The following AKAP8 variants were observed in gnomAD, a reference collection of about 807,000 sequenced individuals.
AKAP8 encodes A-kinase anchoring protein 8, also known as A-kinase anchor protein 8.
A neutral mutation model predicts 67.5 loss-of-function variants in AKAP8; 24 were observed. That is an observed-to-expected ratio of 0.36 (90% CI 0.26 to 0.50). The LOEUF (loss-of-function observed/expected upper bound fraction) is 0.50. Ranked by LOEUF, AKAP8 falls within the 20% of genes least tolerant of loss-of-function variation. The probability of loss-of-function intolerance (pLI) is 0.97; values close to 1 mark genes in which losing one functional copy is unlikely to be tolerated. For missense variants in AKAP8, 971 were observed against 955.9 expected (o/e 1.02, Z -0.21); for synonymous variants, 400 against 371.1 (o/e 1.08, Z -0.90).
chr19:15,372,523 AG>A (rs1967176873), intron 5 of AKAP8, among the ~76,000 whole-genome samples, 176 bp from the exon 6 acceptor site: 2 of 152,186 alleles, frequency 1.3e-5, no homozygotes, highest in South Asian at 2.1e-4. Context: ...AAAAGAAGCC[AG>A]GAACAAAAGG....
chr19:15,373,629 A>G (rs1967200928), intron 4 of AKAP8, 157 bp downstream of exon 4: 4 of 1,023,920 alleles, frequency 3.9e-6, no homozygotes, highest in Non-Finnish European at 5.5e-6. Context: ...AGGAAGTCCT[A>G]CTGTAACATC....
In AKAP8 at chr19:15,373,386, C is replaced by T. The variant is rs987750071; in HGVS notation, c.372-46G>A. 3.2e-6 allele frequency: 5 copies of T among 1,552,312 alleles called. No individual in the cohort carries two copies. In the African/African-American group the frequency reaches 6.8e-5, roughly 21 times the overall value. On this transcript the variant is annotated intron_variant, in intron 4 of 13. Coordinates refer to ENST00000269701, the MANE Select transcript of AKAP8 (RefSeq NM_005858.4). ...ATCAGGGGCGGTCACCCCGATCACC[C>T]ACTGCCACACTCCCTCAGTATAACC...
In AKAP8 at chr19:15,355,266, G is replaced by A. The variant is rs148913978; in HGVS notation, c.1728C>T (p.Asp576=). Residue 576 remains aspartate, a synonymous_variant, in exon 14 of 14, where the codon GAC becomes GAT. Coordinates refer to ENST00000269701, the MANE Select transcript of AKAP8 (RefSeq NM_005858.4). ...CTGCTGTAATCACCTCTGCTAAGAC[G>A]TCCGCGGCCACCTCCTCAGGTGTCT... ...KKETPEEVAA[D]VLAEVITAAV... The A allele has an allele frequency of 3.0e-5, 49 of 1,612,674 alleles. No individual in the cohort carries two copies. The highest frequency in any genetic ancestry group is 2.9e-4 in the East Asian group (13 of 44,894).
chr19:15,375,873 C>G (rs771759567), intron 2 of AKAP8, among the ~76,000 whole-genome samples: 2 of 151,738 alleles, frequency 1.3e-5, no homozygotes, highest in African/African-American at 4.8e-5. Context: ...CTCCTGACCT[C>G]GTGATCTGCC....
intron 2 of AKAP8, among the ~76,000 whole-genome samples, chr19:15,376,256 C>G (rs1967251027): frequency 6.6e-6 from 1 of 152,140 alleles, no homozygotes; most frequent in Non-Finnish European, 1.5e-5. Context: ...GGCGTGGTGG[C>G]TCACGCCTGT....
chr19:15,369,181 G>A lies in AKAP8; in HGVS notation c.1073-859C>T, dbSNP rs1967114978. ...GCAAGAGGTCACTGCCTGAAACTAT[G>A]ACTGCTGTTTAATAGCAAAGTCATC... On this transcript the variant is annotated intron_variant, in intron 8 of 13. Transcript: ENST00000269701. This position sits in a 1 kb window ranked among gnomAD's most constrained non-coding sequence, Gnocchi z 4.6. 12 of 985,404 alleles carry A rather than the reference G, an allele frequency of 1.2e-5. No homozygotes were observed. Among genetic ancestry groups the A allele is most frequent in the East Asian group, 1.1e-4 (1 of 8,828 alleles). The allele number at this position is 985,404 out of a possible 1,614,324, so 61.0% of individuals were successfully genotyped here.
chr19:15,357,205 C>T lies in AKAP8; in HGVS notation c.1623+1762G>A, dbSNP rs572125755. Among the ~76,000 whole-genome samples the T allele has an allele frequency of 6.6e-5, 10 of 151,434 alleles. No individual in the cohort carries two copies. The East Asian group carries it at 9.9e-4, about 15-fold the overall frequency. ...TGAACTCCTGACCTCGTGATGCACC[C>T]GCCTCGGCCTCCCAAAGTGCTGGGA... On this transcript the variant is annotated intron_variant, in intron 13 of 13. Transcript: ENST00000269701.
At chr19:15,360,816 G>C in intron 12 of AKAP8, 32 bp downstream of exon 12, 1 of 1,598,774 alleles carries the variant, frequency 6.3e-7, no homozygotes, top group Non-Finnish European at 8.5e-7. Context: ...CCTGCAATGA[G>C]CACCCCAGGC....
chr19:15,361,351 T>A (rs1014548710), intron 11 of AKAP8: 6 of 16,758 alleles, frequency 3.6e-4, no homozygotes, highest in African/African-American at 2.6e-3. Flanking sequence ...TCATGCCACT[T>A]TTTTTTTTTT....
At position 15,358,920 on chromosome 19, in the gene AKAP8, T is replaced by C. The variant is rs746826796; in HGVS notation, c.1623+47A>G. 4.5e-6 allele frequency: 7 copies of C among 1,565,244 alleles called. No homozygotes were observed. In the South Asian group the frequency reaches 7.8e-5, roughly 17 times the overall value. On this transcript the variant is annotated intron_variant, in intron 13 of 13. Coordinates refer to ENST00000269701, the MANE Select transcript of AKAP8 (RefSeq NM_005858.4). ...CAACTCCCTGCTCCTGGGGTTCATCTTCCCTTTTGAAAGCTTTTCCTGTCT... is the reference window on the plus strand; with the variant it reads ...CAACTCCCTGCTCCTGGGGTTCATCCTCCCTTTTGAAAGCTTTTCCTGTCT...
chr19:15,358,159 G>A (rs914014628), intron 13 of AKAP8, among the ~76,000 whole-genome samples: 8 of 152,090 alleles, frequency 5.3e-5, no homozygotes, highest in Non-Finnish European at 1.0e-4. Flanking sequence ...GAGCAAAATG[G>A]GTTTCACAAG....
chr19:15,364,436 C>T (rs1457346010), intron 9 of AKAP8, among the ~76,000 whole-genome samples: 4 of 150,340 alleles, frequency 2.7e-5, no homozygotes, highest in Admixed American at 6.6e-5. Flanking sequence ...CTGCAACCTC[C>T]GCCTCCCAGG....
chr19:15,373,237 C>G lies in AKAP8; in HGVS notation c.475G>C (p.Gly159Arg). Reference sequence around the variant, plus strand: ...CCAAAGCTGCCATTGCGGTCGGACCCCAGGTCGAACTCATAGTCGTAGCTG... The same window carrying G: ...CCAAAGCTGCCATTGCGGTCGGACCGCAGGTCGAACTCATAGTCGTAGCTG... Reference protein sequence around the residue: ...SYSYDYEFDLGSDRNGSFGGQ... With the variant: ...SYSYDYEFDLRSDRNGSFGGQ... Residue 159 changes from glycine to arginine, a missense_variant, in exon 5 of 14, where the codon GGG becomes CGG. Gly to Arg is a moderately radical substitution (Grantham distance 125). Around this residue, in one of 3 missense-constraint regions of AKAP8, gnomAD observed 763 missense variants for 745.4 expected, o/e 1.02. Transcript: ENST00000269701. 6.2e-7 allele frequency: 1 copy of G among 1,613,990 alleles called. No homozygotes were observed. The highest frequency in any genetic ancestry group is 8.5e-7 in the Non-Finnish European group (1 of 1,180,022).
chr19:15,361,716 G>C lies in AKAP8; in HGVS notation c.1396+13C>G, dbSNP rs1966969635. The C allele has an allele frequency of 6.2e-7, 1 of 1,604,274 alleles. No individual in the cohort carries two copies. The highest frequency in any genetic ancestry group is 1.3e-5 in the African/African-American group (1 of 74,690). On this transcript the variant is annotated intron_variant, in intron 11 of 13. Transcript: ENST00000269701. ...CCATCCAGGAAAGCACTCATCCTGG[G>C]ATGACAACTCACCTTTGAAAGGATC...
In AKAP8 at chr19:15,362,177, T is replaced by C. The variant is rs747991542; in HGVS notation, c.1235A>G (p.Lys412Arg). 4.3e-6 allele frequency: 7 copies of C among 1,614,154 alleles called. No individual in the cohort carries two copies. The highest frequency in any genetic ancestry group is 2.2e-5 in the South Asian group (2 of 91,078). The change falls in exon 10 of 14, where the codon AAA becomes AGA. Residue 412 changes from lysine (K) to arginine (R), a missense_variant. Physicochemically the swap from Lys to Arg is conservative, Grantham distance 26. Coordinates refer to ENST00000269701, the MANE Select transcript of AKAP8 (RefSeq NM_005858.4). ...DEEIQKHLQS[K>R]FHKETLRFIS... ...GAACCGCAGGGTCTCTTTGTGAAAT[T>C]TGCTTTGCAGATGCTTCTGGATCTC...
In AKAP8 at chr19:15,355,298, T is replaced by C; in HGVS notation, c.1696A>G (p.Lys566Glu). Reference sequence around the variant, plus strand: ...GCCACCTCCTCAGGTGTCTCTTTCTTATCCTCACCTCCTAAATTGTCATCT... The same window carrying C: ...GCCACCTCCTCAGGTGTCTCTTTCTCATCCTCACCTCCTAAATTGTCATCT... ...EGDDNLGGED[K>E]KETPEEVAAD... The change falls in exon 14 of 14, where the codon AAG (lysine) becomes GAG (glutamate). Residue 566 changes from lysine to glutamate, a missense_variant. Around this residue, in one of 3 missense-constraint regions of AKAP8, gnomAD observed 204 missense variants for 193.0 expected, o/e 1.06. Transcript: ENST00000269701. 1 of 1,613,788 alleles carries C rather than the reference T, an allele frequency of 6.2e-7. No homozygotes were observed. The highest frequency in any genetic ancestry group is 2.2e-5 in the East Asian group (1 of 44,888).
chr19:15,374,118 A>T, intron 3 of AKAP8, 53 bp from the exon 4 acceptor site: 1 of 1,517,446 alleles, frequency 6.6e-7, no homozygotes, highest in South Asian at 1.3e-5. Flanking sequence ...AGGCCTGTCC[A>T]TGGTGGACAC....
intron 7 of AKAP8, among the ~76,000 whole-genome samples, chr19:15,370,625 C>CTTTTTTTTTT (rs71176407): frequency 6.2e-5 from 5 of 80,968 alleles, no homozygotes; most frequent in Admixed American, 3.6e-4. Context: ...TACCCAATGT[C>CTTTTTTTTTT]TTTTTTTTTT....
intron 1 of AKAP8, among the ~76,000 whole-genome samples, chr19:15,377,391 C>T (rs963963477): frequency 2.0e-5 from 3 of 152,240 alleles, no homozygotes; most frequent in African/African-American, 7.2e-5. Flanking sequence ...TTCAGAGTGC[C>T]ATCACAAGTA....
Sources: gnomAD v4.1 joint callset for allele counts (sites outside exome capture counted in the v4.1 genomes callset) on GRCh38, gnomAD v4.1.1 for gene constraint, gnomAD v4.1.1 regional missense constraint, Gnocchi (gnomAD v3.1) non-coding constraint, MANE v1.5 for transcripts, NCBI Gene and HGNC (gene_info 2026-07-23, HGNC 2026-07-21) for gene names.